The following SCN4A variants were observed in gnomAD, a reference collection of about 807,000 sequenced individuals.
The protein encoded by SCN4A is sodium voltage-gated channel alpha subunit 4.
SCN4A carries 83 observed loss-of-function variants against 162.0 expected under a neutral mutation model. The observed-to-expected ratio is 0.51, with a 90% confidence interval of 0.43 to 0.61. The LOEUF (loss-of-function observed/expected upper bound fraction) is 0.61. SCN4A is among the 20% of genes least tolerant of loss of function. The pLI is 0.00. For missense variants in SCN4A, 2,196 were observed against 2,462.5 expected (o/e 0.89, Z 2.29); for synonymous variants, 944 against 985.1 (o/e 0.96, Z 0.78).
At chr17:63,964,403 GTGGC>G in intron 9 of SCN4A, 61 bp downstream of exon 9, 1 of 1,476,150 alleles carries the variant, frequency 6.8e-7, no homozygotes, top group African/African-American at 1.4e-5. Flanking sequence ...GGAGAAGCCA[GTGGC>G]AGCCCCGGCT....
intron 16 of SCN4A, 129 bp downstream of exon 16, chr17:63,948,482 C>A: frequency 1.3e-6 from 1 of 771,494 alleles, no homozygotes; most frequent in East Asian, 2.7e-5. Flanking sequence ...CAGCGAGTTC[C>A]TTTAGGATTC....
rs1908662053 is a variant in SCN4A at position 63,944,868 on chromosome 17, C to CCA, written c.3775-60_3775-59dup. 6.2e-7 allele frequency: 1 copy of CCA among 1,603,860 alleles called. No homozygotes were observed. Among genetic ancestry groups the CCA allele is most frequent in the African/African-American group, 1.3e-5 (1 of 74,736 alleles). On this transcript the variant is annotated intron_variant, in intron 20 of 23. Transcript: ENST00000435607. The surrounding 1 kb of genome is among the most constrained non-coding windows in gnomAD (Gnocchi z 4.3). The stretch of plus-strand genomic sequence containing the variant: ...TTGCACGCTGGCTTCTCCCTGCCCC[C>CCA]CACAGCCCTGAGGGCAGGACCCATC...
Position 63,951,670 on chromosome 17 carries a change from C to T in SCN4A, c.2607G>A (p.Glu869=). ...CATCCTCGGGGGCAGTCTCCCCCGC[C>T]TCTCCAGCCTCCCCGGCCCCGTCAG... The part of the protein sequence containing the change: ...GEADGAGEAG[E]AGETAPEDEK... The change falls in exon 14 of 24, where the codon GAG becomes GAA. Residue 869 remains glutamate (E), a synonymous_variant. Transcript: ENST00000435607. This position sits in a 1 kb window ranked among gnomAD's most constrained non-coding sequence, Gnocchi z 4.5. 6.2e-7 allele frequency: 1 copy of T among 1,605,306 alleles called. No individual in the cohort carries two copies. The highest frequency in any genetic ancestry group is 8.5e-7 in the Non-Finnish European group (1 of 1,175,886).
At position 63,954,799 on chromosome 17, in the gene SCN4A, AG is replaced by A. The variant is rs1909020766; in HGVS notation, c.2376+2362del. ...GAGAGCCACAGAGCTGGGCTGGGAA[AG>A]GATGTCAGTGGTGTGTTCGTGTGTG... On this transcript the variant is annotated intron_variant, in intron 13 of 23. Transcript: ENST00000435607. 7.9e-5 allele frequency among the ~76,000 whole-genome samples: 12 copies of A among 152,244 alleles called. No individual in the cohort carries two copies. In the South Asian group the frequency reaches 2.5e-3, roughly 32 times the overall value.
At position 63,964,383 on chromosome 17, in the gene SCN4A, G is replaced by A. The variant is rs943103730; in HGVS notation, c.1452+85C>T. ...TACCCCTGTACCCTCCCTCACCCTC[G>A]GCCCCCCAGGGAGAAGCCAGTGGCA... On this transcript the variant is annotated intron_variant, in intron 9 of 23. Coordinates refer to ENST00000435607, the MANE Select transcript of SCN4A (RefSeq NM_000334.4). The A allele has an allele frequency of 6.8e-5, 84 of 1,236,012 alleles. 1 individual carries two copies. In the South Asian group the frequency reaches 1.0e-3, roughly 15 times the overall value. 76.6% of individuals were successfully genotyped at this position (1,236,012 alleles called of 1,614,324 possible).
intron 9 of SCN4A, among the ~76,000 whole-genome samples, chr17:63,964,067 C>A (rs1232170689): frequency 1.3e-5 from 2 of 152,146 alleles, no homozygotes; most frequent in African/African-American, 4.8e-5. Context: ...CCTGACTAAC[C>A]CTCCACTTGT....
chr17:63,971,372 G>A lies in SCN4A; in HGVS notation c.612-119C>T, dbSNP rs78410751. Reference sequence around the variant, plus strand: ...CCCAAGAAATTGGGGGTACCACAGGGTCTGGGGGGCAGGGCAGACACCCCC... The same window carrying A: ...CCCAAGAAATTGGGGGTACCACAGGATCTGGGGGGCAGGGCAGACACCCCC... On this transcript the variant is annotated intron_variant, in intron 4 of 23. Transcript: ENST00000435607. 4,710 of 688,600 alleles carry A rather than the reference G, an allele frequency of 6.8e-3. 140 individuals carry two copies. In the African/African-American group the frequency reaches 0.072, roughly 10 times the overall value. 42.7% of individuals were successfully genotyped at this position (688,600 alleles called of 1,614,324 possible).
intron 9 of SCN4A, 38 bp downstream of exon 9, chr17:63,964,430 A>T: frequency 6.3e-7 from 1 of 1,592,618 alleles, no homozygotes; most frequent in Non-Finnish European, 8.6e-7. Context: ...GGGCAGGTAG[A>T]ACCCTGGGTC....
chr17:63,954,223 T>G (rs1909004295), intron 13 of SCN4A, among the ~76,000 whole-genome samples: 1 of 152,200 alleles, frequency 6.6e-6, no homozygotes, highest in Non-Finnish European at 1.5e-5. Flanking sequence ...CTGTTAATCA[T>G]GTTAAATACT....
intron 14 of SCN4A, among the ~76,000 whole-genome samples, chr17:63,949,980 G>A (rs1375201309): frequency 6.6e-6 from 1 of 152,150 alleles, no homozygotes; most frequent in Admixed American, 6.5e-5. Flanking sequence ...CCACCCGCAG[G>A]GTCTGTTTGG....
intron 12 of SCN4A, among the ~76,000 whole-genome samples, 172 bp from the exon 13 acceptor site, chr17:63,957,690 G>T (rs1189948964): frequency 6.6e-6 from 1 of 152,010 alleles, no homozygotes; most frequent in African/African-American, 2.4e-5. Context: ...ACCACCTCAG[G>T]CCCTTCATGT....
rs3785567 is a variant in SCN4A at position 63,946,465 on chromosome 17, C to A, written c.3441+580G>T. Among the ~76,000 whole-genome samples the A allele has an allele frequency of 3.6e-3, 444 of 124,654 alleles. 4 individuals carry two copies. The highest frequency in any genetic ancestry group is 0.014 in the African/African-American group (414 of 29,608). The allele number at this position is 124,654 out of a possible 152,430, so 81.8% of individuals were successfully genotyped here. A position where few individuals can be genotyped will look rare whatever the true frequency, so the allele number is the denominator to read the frequency against. On this transcript the variant is annotated intron_variant, in intron 18 of 23. Coordinates refer to ENST00000435607, the MANE Select transcript of SCN4A (RefSeq NM_000334.4). ...CTGGGGAAGTCCCATTTTTCTTGCC[C>A]CCCCCCCCACCCCGCCGCAACCCTG... is the stretch of plus-strand genomic sequence containing the variant.
At position 63,944,016 on chromosome 17, in the gene SCN4A, G is replaced by A. The variant is rs888041868; in HGVS notation, c.3913-166C>T. Among the ~76,000 whole-genome samples, 4 of 152,156 alleles carry A rather than the reference G, an allele frequency of 2.6e-5. No homozygotes were observed. Among genetic ancestry groups the A allele is most frequent in the Non-Finnish European group, 5.9e-5 (4 of 68,036 alleles). ...GATGGAGGGACAAGGGGAGAATGCGGGACCGAGGAGAAGGGAGGGAAGGGG... is the reference window on the plus strand; with the variant it reads ...GATGGAGGGACAAGGGGAGAATGCGAGACCGAGGAGAAGGGAGGGAAGGGG... On this transcript the variant is annotated intron_variant, in intron 21 of 23. Coordinates refer to ENST00000435607, the MANE Select transcript of SCN4A (RefSeq NM_000334.4). The surrounding 1 kb of genome is among the most constrained non-coding windows in gnomAD (Gnocchi z 4.3).
chr17:63,941,238 C>T lies in SCN4A; in HGVS notation c.5044G>A (p.Ala1682Thr). Residue 1682 changes from alanine to threonine, a missense_variant, in exon 24 of 24, where the codon GCC becomes ACC. By Grantham distance (58) the Ala-to-Thr change is moderately conservative (BLOSUM62 0). Transcript: ENST00000435607. This position sits in a 1 kb window ranked among gnomAD's most constrained non-coding sequence, Gnocchi z 6.2. ...TCACCCAGGACCTCTTTGGTCAGGG[C>T]AAAGAGGATGTCCAGGCAGTGGATC... Reference protein sequence around the residue: ...DKIHCLDILFALTKEVLGDSG... With the variant: ...DKIHCLDILFTLTKEVLGDSG... 1 of 1,613,788 alleles carries T rather than the reference C, an allele frequency of 6.2e-7. No homozygotes were observed. The highest frequency in any genetic ancestry group is 1.1e-5 in the South Asian group (1 of 91,072).
At chr17:63,964,703 A>AG (rs1909382675) in intron 8 of SCN4A, 26 bp from the exon 9 acceptor site, 1 of 1,578,688 alleles carries the variant, frequency 6.3e-7, no homozygotes, top group Non-Finnish European at 8.6e-7. Flanking sequence ...GAGGGAGTGG[A>AG]GGGGTCCCAT....
intron 13 of SCN4A, among the ~76,000 whole-genome samples, chr17:63,952,222 A>G (rs1335587300): frequency 1.4e-5 from 2 of 143,804 alleles, no homozygotes; most frequent in African/African-American, 2.6e-5. Context: ...GAGATGGAGG[A>G]GTCTCCCTCT....
intron 14 of SCN4A, chr17:63,949,854 T>TG: frequency 6.5e-6 from 1 of 152,782 alleles, no homozygotes. Context: ...CTGGGAGGCA[T>TG]GGGGGGCCTG....
In SCN4A at chr17:63,961,662, C is replaced by T; in HGVS notation, c.1607-231G>A. On this transcript the variant is annotated intron_variant, in intron 10 of 23. Coordinates refer to ENST00000435607, the MANE Select transcript of SCN4A (RefSeq NM_000334.4). ...ACCCCAAAGCCCCGCGCTCTGAGCG[C>T]GGCCGGCTCCAAGCTCCACCGCCTC... 2 of 351,614 alleles carry T rather than the reference C, an allele frequency of 5.7e-6. 1 individual carries two copies. Among genetic ancestry groups the T allele is most frequent in the Non-Finnish European group, 1.1e-5 (2 of 180,202 alleles). 21.8% of individuals were successfully genotyped at this position (351,614 alleles called of 1,614,324 possible). A position where few individuals can be genotyped will look rare whatever the true frequency, so the allele number is the denominator to read the frequency against.
chr17:63,942,674 C>T (rs1460650239), intron 23 of SCN4A, among the ~76,000 whole-genome samples, 152 bp downstream of exon 23: 1 of 152,238 alleles, frequency 6.6e-6, no homozygotes, highest in East Asian at 1.9e-4. Context: ...ACACCATGTG[C>T]CTTTGTGCAT....
Sources: gnomAD v4.1 joint callset for allele counts (sites outside exome capture counted in the v4.1 genomes callset) on GRCh38, gnomAD v4.1.1 for gene constraint, Gnocchi (gnomAD v3.1) non-coding constraint, MANE v1.5 for transcripts, NCBI Gene and HGNC (gene_info 2026-07-23, HGNC 2026-07-21) for gene names.